FNIP2: variants seen among roughly 807,000 people sequenced by gnomAD.
FNIP2 encodes folliculin interacting protein 2, also known as folliculin-interacting protein 2.
FNIP2 carries 32 observed loss-of-function variants against 108.7 expected under a neutral mutation model. That is an observed-to-expected ratio of 0.29 (90% confidence interval 0.22 to 0.40). FNIP2 has a LOEUF of 0.40. Ranked by LOEUF, FNIP2 falls within the 10% of genes least tolerant of loss-of-function variation. FNIP2 has a pLI of 1.00. For synonymous variants in FNIP2, 480 were observed against 496.7 expected (o/e 0.97, Z 0.45); for missense variants, 1,202 against 1,381.6 (o/e 0.87, Z 2.06).
chr4:158,815,384 CTTTT>C (rs58702187), intron 1 of FNIP2, among the ~76,000 whole-genome samples: 1 of 137,454 alleles, frequency 7.3e-6, no homozygotes, highest in African/African-American at 2.7e-5. Flanking sequence ...AGTAATCCAG[CTTTT>C]TTTTTTTTTT....
intron 1 of FNIP2, among the ~76,000 whole-genome samples, chr4:158,789,780 T>C (rs1247035842): frequency 6.6e-6 from 1 of 151,106 alleles, no homozygotes; most frequent in East Asian, 2.0e-4. Context: ...AGTTTCTGAG[T>C]AAACGCAATG....
Position 158,826,011 on chromosome 4 carries a change from C to G in FNIP2, c.203C>G (p.Ala68Gly). The change falls in exon 2 of 17, where the codon GCT (alanine) becomes GGT (glycine). Residue 68 changes from alanine to glycine, a missense_variant. Around this residue, in one of 5 missense-constraint regions of FNIP2, gnomAD observed 173 missense variants for 165.9 expected, o/e 1.04. Coordinates refer to ENST00000264433, the MANE Select transcript of FNIP2 (RefSeq NM_020840.3). ...AGACAAGTCTTGTTTGACTCTAAAG[C>G]TGTTCAAAAGATTGAGGAGGTGACA... ...RGRQVLFDSK[A>G]VQKIEEVTAQ... The G allele has an allele frequency of 6.2e-7, 1 of 1,608,378 alleles. No individual in the cohort carries two copies. The highest frequency in any genetic ancestry group is 8.5e-7 in the Non-Finnish European group (1 of 1,175,294).
Position 158,835,396 on chromosome 4 carries a change from T to G in FNIP2, c.656-9T>G, listed in dbSNP as rs1778744162. The stretch of plus-strand genomic sequence containing the variant: ...CCAATAACATGGTTTTCTTGTTCCT[T>G]TATCTTAGCACACAGCACACCAGTT... On this transcript the variant is annotated splice_polypyrimidine_tract_variant and intron_variant, in intron 6 of 16. Transcript: ENST00000264433. 2 of 1,611,534 alleles carry G rather than the reference T, an allele frequency of 1.2e-6. No individual in the cohort carries two copies. The highest frequency in any genetic ancestry group is 1.3e-5 in the African/African-American group (1 of 74,796).
intron 14 of FNIP2, among the ~76,000 whole-genome samples, chr4:158,880,597 A>T (rs983594054): frequency 3.3e-5 from 5 of 152,184 alleles, no homozygotes; most frequent in Non-Finnish European, 7.4e-5. Flanking sequence ...TAATAATAAT[A>T]AAAAAAATTC....
At chr4:158,882,864 G>C (rs1234624927) in intron 14 of FNIP2, among the ~76,000 whole-genome samples, 1 of 152,016 alleles carries the variant, frequency 6.6e-6, no homozygotes, top group Non-Finnish European at 1.5e-5. Context: ...TACTGCGGAA[G>C]GCCGCAGGGT....
chr4:158,846,685 GA>G (rs751951636), intron 7 of FNIP2, among the ~76,000 whole-genome samples: 1 of 152,172 alleles, frequency 6.6e-6, no homozygotes, highest in Non-Finnish European at 1.5e-5. Context: ...AGGTTAACAA[GA>G]GAAAAGCGTA....
intron 7 of FNIP2, among the ~76,000 whole-genome samples, chr4:158,840,397 G>T (rs549286299): frequency 1.3e-3 from 203 of 150,402 alleles, no homozygotes; most frequent in African/African-American, 3.7e-3. Flanking sequence ...TTGTTTTTTT[G>T]TTGTTGTTTT....
chr4:158,777,053 C>T (rs1775886558), intron 1 of FNIP2, among the ~76,000 whole-genome samples: 1 of 152,144 alleles, frequency 6.6e-6, no homozygotes, highest in Non-Finnish European at 1.5e-5. Context: ...CCTAAAAAAA[C>T]CTTTAAGAAG....
intron 12 of FNIP2, 136 bp downstream of exon 12, chr4:158,861,912 G>A (rs1780321922): frequency 9.6e-7 from 1 of 1,045,758 alleles, no homozygotes; most frequent in Non-Finnish European, 1.4e-6. Flanking sequence ...TAGGAAGTTG[G>A]TCCCTGGATT....
chr4:158,845,930 GA>G, intron 7 of FNIP2, among the ~76,000 whole-genome samples: 1 of 152,228 alleles, frequency 6.6e-6, no homozygotes. Flanking sequence ...CATTCAGCAG[GA>G]AAAAAGGAAT....
chr4:158,887,365 G>T (rs1782070469), intron 14 of FNIP2, among the ~76,000 whole-genome samples: 1 of 152,124 alleles, frequency 6.6e-6, no homozygotes, highest in South Asian at 2.1e-4. Context: ...TTAAGGTATG[G>T]CTAGTAAGAA....
chr4:158,820,630 A>T (rs1777831810), intron 1 of FNIP2, among the ~76,000 whole-genome samples: 1 of 152,220 alleles, frequency 6.6e-6, no homozygotes, highest in Non-Finnish European at 1.5e-5. Context: ...AAAGTCCTTC[A>T]CAAGTAGTCC....
intron 14 of FNIP2, among the ~76,000 whole-genome samples, chr4:158,884,865 C>A (rs1781933678): frequency 6.6e-6 from 1 of 151,778 alleles, no homozygotes; most frequent in African/African-American, 2.4e-5. Context: ...TCTCGGCCAG[C>A]CACAGAGGCT....
chr4:158,793,128 C>A (rs989405623), intron 1 of FNIP2, among the ~76,000 whole-genome samples: 17 of 152,248 alleles, frequency 1.1e-4, no homozygotes, highest in African/African-American at 2.9e-4. Context: ...TTTGGATAGA[C>A]CATTCATGGG....
intron 1 of FNIP2, among the ~76,000 whole-genome samples, chr4:158,811,038 G>A (rs1351982306): frequency 6.6e-6 from 1 of 152,120 alleles, no homozygotes; most frequent in African/African-American, 2.4e-5. Context: ...GGTGGGAATT[G>A]GAGAGAGCAA....
Position 158,861,602 on chromosome 4 carries a change from C to A in FNIP2, c.1296-5C>A. 4 of 1,613,960 alleles carry A rather than the reference C, an allele frequency of 2.5e-6. No individual in the cohort carries two copies. The South Asian group carries it at 4.4e-5, about 18-fold the overall frequency. ...GTTGGTTGTATCTTTTTCCATTTCT[C>A]CAAGGTTTTTTGCTGCCTTACTGAC... On this transcript the variant is annotated splice_region_variant and splice_polypyrimidine_tract_variant and intron_variant, in intron 11 of 16. Transcript: ENST00000264433.
chr4:158,805,575 C>T (rs1578841262), intron 1 of FNIP2, among the ~76,000 whole-genome samples: 1 of 152,218 alleles, frequency 6.6e-6, no homozygotes, highest in Middle Eastern at 3.4e-3. Flanking sequence ...ATCTGTGTCC[C>T]ACCTCCCCTT....
At chr4:158,865,446 A>G (rs1037369162) in intron 12 of FNIP2, among the ~76,000 whole-genome samples, 1 of 152,140 alleles carries the variant, frequency 6.6e-6, no homozygotes, top group Non-Finnish European at 1.5e-5. Flanking sequence ...TTCCACTCAC[A>G]TTGCACTCAT....
At chr4:158,816,326 C>T (rs900284651) in intron 1 of FNIP2, among the ~76,000 whole-genome samples, 2 of 152,044 alleles carry the variant, frequency 1.3e-5, no homozygotes. Flanking sequence ...AAATTTATTC[C>T]GTTGTCTATT....
Sources: gnomAD v4.1 joint callset for allele counts (sites outside exome capture counted in the v4.1 genomes callset) on GRCh38, gnomAD v4.1.1 for gene constraint, gnomAD v4.1.1 regional missense constraint, MANE v1.5 for transcripts, NCBI Gene and HGNC (gene_info 2026-07-23, HGNC 2026-07-21) for gene names.